The following CDH7 variants were observed in gnomAD, a reference collection of about 807,000 sequenced individuals.
The protein encoded by CDH7 is cadherin-7.
CDH7 carries 25 observed loss-of-function variants against 71.8 expected under a neutral mutation model. The observed-to-expected ratio is 0.35, with a 90% CI of 0.25 to 0.49. CDH7 has a LOEUF of 0.49. Among genes scored for constraint, CDH7 ranks in the 20% least tolerant of loss-of-function variants. The pLI is 0.99. For synonymous variants in CDH7, 381 were observed against 363.8 expected, an observed-to-expected ratio of 1.05 and a Z score of -0.54; for missense variants, 862 against 974.6, an observed-to-expected ratio of 0.88 and a Z score of 1.54.
At chr18:65,867,953 G>A (rs1469926365) in intron 11 of CDH7, among the ~76,000 whole-genome samples, 2 of 152,168 alleles carry the variant, frequency 1.3e-5, no homozygotes, top group African/African-American at 2.4e-5. Context: ...GATCTCCCAA[G>A]TACTAAACTA....
chr18:65,860,338 T>C (rs1188811158), intron 10 of CDH7, among the ~76,000 whole-genome samples: 1 of 152,142 alleles, frequency 6.6e-6, no homozygotes, highest in African/African-American at 2.4e-5. Context: ...CTAAGAAATA[T>C]AATGTTAAAA....
intron 3 of CDH7, 111 bp downstream of exon 3, chr18:65,810,109 G>A: frequency 1.1e-6 from 1 of 886,222 alleles, no homozygotes; most frequent in Non-Finnish European, 1.8e-6. Flanking sequence ...ACTAGTATGT[G>A]TGTATTGATT....
chr18:65,774,136 T>A (rs1332799677), intron 2 of CDH7, among the ~76,000 whole-genome samples: 4 of 152,024 alleles, frequency 2.6e-5, no homozygotes, highest in Non-Finnish European at 5.9e-5. Context: ...TTATTTCTGT[T>A]GATATTGGCA....
In CDH7 at chr18:65,857,810, A is replaced by T. The variant is rs772399146; in HGVS notation, c.1236-6A>T. ...AAGGCTTTTCTTTTCTTCAATGTTC[A>T]ATTAGGTACTCAATTGACAGAAACA... is the stretch of plus-strand genomic sequence containing the variant. On this transcript the variant is annotated splice_polypyrimidine_tract_variant and splice_region_variant and intron_variant, in intron 7 of 11. Transcript: ENST00000397968. The T allele has an allele frequency of 3.7e-6, 6 of 1,610,762 alleles. No homozygotes were observed. The highest frequency in any genetic ancestry group is 2.5e-6 in the Non-Finnish European group (3 of 1,178,584).
At chr18:65,765,674 T>A (rs1348333029) in intron 2 of CDH7, among the ~76,000 whole-genome samples, 1 of 152,084 alleles carries the variant, frequency 6.6e-6, no homozygotes, top group Non-Finnish European at 1.5e-5. Flanking sequence ...CCTAACACAA[T>A]CTAGCTATTT....
Position 65,762,919 on chromosome 18 carries a change from A to G in CDH7, c.77A>G (p.Gln26Arg). Residue 26 changes from glutamine to arginine, a missense_variant, in exon 2 of 12, where the codon CAA (glutamine) becomes CGA (arginine). Transcript: ENST00000397968. Reference protein sequence around the residue: ...ALFLCFSGMSQAELSRSRSKP... With the variant: ...ALFLCFSGMSRAELSRSRSKP... Reference sequence around the variant, plus strand: ...TTCCTGTGTTTTTCTGGGATGAGTCAAGCAGAACTCTCAAGGTCCAGATCA... The same window carrying G: ...TTCCTGTGTTTTTCTGGGATGAGTCGAGCAGAACTCTCAAGGTCCAGATCA... The G allele has an allele frequency of 1.2e-6, 2 of 1,613,636 alleles. No individual in the cohort carries two copies. The highest frequency in any genetic ancestry group is 1.7e-6 in the Non-Finnish European group (2 of 1,179,796).
chr18:65,823,000 G>C (rs1257841949), intron 5 of CDH7, among the ~76,000 whole-genome samples: 1 of 151,748 alleles, frequency 6.6e-6, no homozygotes, highest in Non-Finnish European at 1.5e-5. Context: ...AAAATAAAGA[G>C]ATTGTACAGA....
At chr18:65,847,734 A>T (rs1409911634) in intron 7 of CDH7, among the ~76,000 whole-genome samples, 3 of 151,738 alleles carry the variant, frequency 2.0e-5, no homozygotes, top group Non-Finnish European at 2.9e-5. Context: ...TGGAAAGATT[A>T]AAAAAACCCA....
chr18:65,834,873 CTCTT>C (rs1912479472), intron 6 of CDH7, among the ~76,000 whole-genome samples: 1 of 152,208 alleles, frequency 6.6e-6, no homozygotes, highest in Non-Finnish European at 1.5e-5. Flanking sequence ...AACTCTCATT[CTCTT>C]TCTATCTGTG....
chr18:65,833,479 G>A (rs1912424265), intron 6 of CDH7, among the ~76,000 whole-genome samples: 1 of 151,866 alleles, frequency 6.6e-6, no homozygotes, highest in South Asian at 2.1e-4. Flanking sequence ...TCTTAAAATT[G>A]AGCAATGACA....
intron 6 of CDH7, among the ~76,000 whole-genome samples, chr18:65,825,096 C>T (rs1266098261): frequency 6.6e-6 from 1 of 151,866 alleles, no homozygotes; most frequent in African/African-American, 2.4e-5. Context: ...TGGCAATGTG[C>T]TGTTTTAAAG....
chr18:65,751,402 A>G (rs1159829807), intron 1 of CDH7, among the ~76,000 whole-genome samples: 1 of 152,190 alleles, frequency 6.6e-6, no homozygotes, highest in Non-Finnish European at 1.5e-5. Context: ...CAGGTGCGAC[A>G]CGAGGAGTAG....
chr18:65,777,015 G>A (rs1909972007), intron 2 of CDH7, among the ~76,000 whole-genome samples: 2 of 152,152 alleles, frequency 1.3e-5, no homozygotes, highest in African/African-American at 2.4e-5. Flanking sequence ...AGAGGGAGGG[G>A]CATAGACTGT....
At chr18:65,811,442 C>T (rs1911531468) in intron 3 of CDH7, among the ~76,000 whole-genome samples, 1 of 152,078 alleles carries the variant, frequency 6.6e-6, no homozygotes, top group African/African-American at 2.4e-5. Flanking sequence ...GAATTTGAAC[C>T]ACAGTGGCAT....
At chr18:65,787,613 A>G (rs62086405) in intron 2 of CDH7, among the ~76,000 whole-genome samples, 7,583 of 152,284 alleles carry the variant, frequency 0.05, 298 homozygotes, top group Non-Finnish European at 0.073. Context: ...CTACACAAGG[A>G]AAGACTGGAT....
At chr18:65,809,668 G>A (rs955136254) in intron 2 of CDH7, 36 bp from the exon 3 acceptor site, 1 of 1,560,970 alleles carries the variant, frequency 6.4e-7, no homozygotes, top group Non-Finnish European at 8.8e-7. Context: ...TGACTCTCTT[G>A]TAAGTTAATC....
intron 2 of CDH7, among the ~76,000 whole-genome samples, chr18:65,790,064 C>G (rs185029302): frequency 1.6e-4 from 24 of 151,636 alleles, no homozygotes; most frequent in African/African-American, 5.8e-4. Flanking sequence ...CCTGCCTCTA[C>G]TAAAAATACA....
At chr18:65,806,668 G>T (rs1159357219) in intron 2 of CDH7, among the ~76,000 whole-genome samples, 1 of 152,088 alleles carries the variant, frequency 6.6e-6, no homozygotes, top group African/African-American at 2.4e-5. Context: ...ATGTGTGTGT[G>T]TGTGTGTGTC....
At chr18:65,853,144 C>G (rs913417485) in intron 7 of CDH7, among the ~76,000 whole-genome samples, 1 of 152,102 alleles carries the variant, frequency 6.6e-6, no homozygotes, top group Non-Finnish European at 1.5e-5. Flanking sequence ...TAAAGGAAGC[C>G]AAGTATTTTA....
Sources: allele counts gnomAD v4.1 joint callset (sites outside exome capture counted in the v4.1 genomes callset), GRCh38; gene constraint gnomAD v4.1.1; transcripts MANE v1.5; gene names NCBI Gene and HGNC (gene_info 2026-07-23, HGNC 2026-07-21).